The following MOB1B variants were observed in gnomAD, a reference collection of about 807,000 sequenced individuals.
MOB1B encodes MOB kinase activator 1B.
Under a neutral mutation model 24.4 loss-of-function variants are expected in MOB1B, and 19 were observed. The observed-to-expected ratio is 0.78, with a 90% CI of 0.54 to 1.14. MOB1B has a LOEUF of 1.14. MOB1B is among the 50% of genes most tolerant of loss of function. The pLI is 0.00. For missense variants in MOB1B, 243 were observed against 259.6 expected (o/e 0.94, Z 0.44); for synonymous variants, 76 against 82.1 (o/e 0.93, Z 0.40).
intron 1 of MOB1B, among the ~76,000 whole-genome samples, chr4:70,944,492 T>C (rs1040640756): frequency 1.3e-5 from 2 of 152,184 alleles, no homozygotes; most frequent in Non-Finnish European, 2.9e-5. Context: ...TTATTGGTAG[T>C]GTCTGTAATA....
intron 1 of MOB1B, among the ~76,000 whole-genome samples, chr4:70,920,332 C>G (rs1736382781): frequency 6.6e-6 from 1 of 152,126 alleles, no homozygotes; most frequent in South Asian, 2.1e-4. Flanking sequence ...TTCATGTGAT[C>G]TCCTGCCTCA....
intron 1 of MOB1B, among the ~76,000 whole-genome samples, chr4:70,919,295 A>G (rs1486733507): frequency 6.6e-6 from 1 of 151,842 alleles, no homozygotes; most frequent in African/African-American, 2.4e-5. Flanking sequence ...GTACCCTAAA[A>G]CTTAAAGTGT....
intron 1 of MOB1B, among the ~76,000 whole-genome samples, chr4:70,942,435 T>C (rs1737389079): frequency 6.6e-6 from 1 of 152,134 alleles, no homozygotes; most frequent in African/African-American, 2.4e-5. Flanking sequence ...AGCATGGATT[T>C]CTTTATTTTT....
chr4:70,963,374 A>G (rs1424747548), intron 2 of MOB1B, among the ~76,000 whole-genome samples: 3 of 152,118 alleles, frequency 2.0e-5, no homozygotes, highest in Non-Finnish European at 2.9e-5. Context: ...AAAATGAAAT[A>G]AAATAGAATT....
intron 2 of MOB1B, among the ~76,000 whole-genome samples, chr4:70,961,864 T>C (rs1738317696): frequency 6.6e-6 from 1 of 152,100 alleles, no homozygotes; most frequent in Non-Finnish European, 1.5e-5. Flanking sequence ...TATATCCAAA[T>C]AATAGGTGAA....
chr4:70,912,414 G>A (rs1736027771), intron 1 of MOB1B, among the ~76,000 whole-genome samples: 1 of 151,762 alleles, frequency 6.6e-6, no homozygotes, highest in Non-Finnish European at 1.5e-5. Flanking sequence ...CAAGTAGCTG[G>A]GATTACAGGT....
At chr4:70,918,472 G>T (rs946789417) in intron 1 of MOB1B, among the ~76,000 whole-genome samples, 2 of 151,648 alleles carry the variant, frequency 1.3e-5, no homozygotes, top group Non-Finnish European at 2.9e-5. Context: ...GTGTTTTTTG[G>T]CTGCATAAAT....
intron 1 of MOB1B, among the ~76,000 whole-genome samples, chr4:70,903,400 G>T (rs944538639): frequency 6.6e-6 from 1 of 152,170 alleles, no homozygotes; most frequent in Non-Finnish European, 1.5e-5. Flanking sequence ...GAACGTGGAG[G>T]GGGAAGGGCA....
At chr4:70,918,061 C>T (rs926325538) in intron 1 of MOB1B, among the ~76,000 whole-genome samples, 1 of 152,138 alleles carries the variant, frequency 6.6e-6, no homozygotes, top group East Asian at 1.9e-4. Flanking sequence ...CATACATTAT[C>T]CACAAAAATA....
rs143604366 is a variant in MOB1B, at chr4:70,939,247, C to T, written c.15-19627C>T. 2.5e-4 allele frequency among the ~76,000 whole-genome samples: 38 copies of T among 152,266 alleles called. 1 individual carries two copies. The East Asian group carries it at 7.3e-3, about 29-fold the overall frequency. On this transcript the variant is annotated intron_variant, in intron 1 of 5. Coordinates refer to ENST00000309395, the MANE Select transcript of MOB1B (RefSeq NM_173468.4). ...TGTTGGGCTGAAAACATACACTAGCCTCCACTTCCTACTCAAAGTCACAAT... is the reference window on the plus strand; with the variant it reads ...TGTTGGGCTGAAAACATACACTAGCTTCCACTTCCTACTCAAAGTCACAAT...
chr4:70,959,844 C>T (rs1738228736), intron 2 of MOB1B, among the ~76,000 whole-genome samples: 1 of 152,088 alleles, frequency 6.6e-6, no homozygotes, highest in Non-Finnish European at 1.5e-5. Context: ...TTGCCTTTCT[C>T]AGTGGCATAC....
chr4:70,958,330 A>G (rs1165207708), intron 1 of MOB1B, among the ~76,000 whole-genome samples: 1 of 151,618 alleles, frequency 6.6e-6, no homozygotes, highest in East Asian at 1.9e-4. Context: ...ATGCCTGGCT[A>G]ATTTTTTTGC....
intron 3 of MOB1B, among the ~76,000 whole-genome samples, chr4:70,974,889 A>G (rs1361840453): frequency 6.6e-6 from 1 of 152,234 alleles, no homozygotes; most frequent in Non-Finnish European, 1.5e-5. Context: ...TCTAAAATAT[A>G]AATGCTATTT....
At chr4:70,975,765 A>G in intron 4 of MOB1B, 1 of 973,918 alleles carries the variant, frequency 1.0e-6, no homozygotes, top group Non-Finnish European at 1.2e-6. Context: ...TTCCTATTCT[A>G]GGAACCATGG....
intron 2 of MOB1B, among the ~76,000 whole-genome samples, chr4:70,969,680 A>G (rs1738677100): frequency 6.6e-6 from 1 of 152,046 alleles, no homozygotes; most frequent in African/African-American, 2.4e-5. Context: ...TCTATTCTAG[A>G]TATAAGATTT....
At chr4:70,921,268 A>G (rs917337693) in intron 1 of MOB1B, among the ~76,000 whole-genome samples, 10 of 152,218 alleles carry the variant, frequency 6.6e-5, no homozygotes, top group Non-Finnish European at 1.2e-4. Flanking sequence ...TATACATTCT[A>G]TGCAGTCAAG....
At chr4:70,939,892 G>A (rs893908459) in intron 1 of MOB1B, among the ~76,000 whole-genome samples, 1 of 152,202 alleles carries the variant, frequency 6.6e-6, no homozygotes, top group Non-Finnish European at 1.5e-5. Flanking sequence ...TTTATTGAGC[G>A]GAAGTAGCTC....
At chr4:70,937,491 A>C (rs934752562) in intron 1 of MOB1B, among the ~76,000 whole-genome samples, 2 of 147,020 alleles carry the variant, frequency 1.4e-5, no homozygotes, top group African/African-American at 5.0e-5. Flanking sequence ...CTGGTCCTTA[A>C]TTTTTTTTTT....
intron 1 of MOB1B, among the ~76,000 whole-genome samples, chr4:70,913,540 C>T (rs1165360937): frequency 6.6e-6 from 1 of 152,056 alleles, no homozygotes; most frequent in Non-Finnish European, 1.5e-5. Context: ...ATCCTCCTGC[C>T]TTGGCCTCCC....
Sources: gnomAD v4.1 joint callset for allele counts (sites outside exome capture counted in the v4.1 genomes callset) on GRCh38, gnomAD v4.1.1 for gene constraint, MANE v1.5 for transcripts, NCBI Gene and HGNC (gene_info 2026-07-23, HGNC 2026-07-21) for gene names.